The following RIT2 variants were observed in gnomAD, a reference collection of about 807,000 sequenced individuals.
The protein encoded by RIT2 is GTP-binding protein Rit2.
A neutral mutation model predicts 23.7 loss-of-function variants in RIT2; 24 were observed. The observed-to-expected ratio is 1.01, with a 90% CI of 0.73 to 1.43. The LOEUF is 1.43. Among genes scored for constraint, RIT2 ranks in the 40% most tolerant of loss-of-function variants. RIT2 has a pLI of 0.00. For missense variants in RIT2, 236 were observed against 266.9 expected, an observed-to-expected ratio of 0.88 and a Z score of 0.81; for synonymous variants, 107 against 91.1, an observed-to-expected ratio of 1.17 and a Z score of -0.99.
At chr18:42,918,595 G>A (rs1908973964) in intron 4 of RIT2, among the ~76,000 whole-genome samples, 2 of 151,970 alleles carry the variant, frequency 1.3e-5, no homozygotes, top group South Asian at 4.2e-4. Context: ...ATTTTTTTAA[G>A]TTTGAGTGGT....
intron 4 of RIT2, among the ~76,000 whole-genome samples, chr18:42,765,934 T>C (rs1913411180): frequency 6.6e-6 from 1 of 152,120 alleles, no homozygotes; most frequent in Admixed American, 6.6e-5. Flanking sequence ...CCATTTTTGC[T>C]TCTTCCTCAT....
chr18:43,021,807 C>T (rs945275709), intron 2 of RIT2, among the ~76,000 whole-genome samples: 1 of 152,068 alleles, frequency 6.6e-6, no homozygotes, highest in African/African-American at 2.4e-5. Context: ...AGTTAAACCT[C>T]TTTTCTTTAT....
chr18:42,796,753 T>C (rs1187534347), intron 4 of RIT2, among the ~76,000 whole-genome samples: 2 of 152,208 alleles, frequency 1.3e-5, no homozygotes, highest in Non-Finnish European at 2.9e-5. Context: ...TTTTACCACT[T>C]TCCTGTCCAG....
At chr18:42,866,833 C>A (rs1568016512) in intron 4 of RIT2, among the ~76,000 whole-genome samples, 1 of 152,084 alleles carries the variant, frequency 6.6e-6, no homozygotes, top group East Asian at 1.9e-4. Flanking sequence ...ATTTAAACAT[C>A]TTTAGACAGC....
chr18:43,105,005 T>C (rs1042281002), intron 1 of RIT2, among the ~76,000 whole-genome samples: 1 of 152,130 alleles, frequency 6.6e-6, no homozygotes, highest in Non-Finnish European at 1.5e-5. Flanking sequence ...AGCAGAGGCA[T>C]GCTCTGTTAA....
chr18:43,042,191 C>G (rs759624898), intron 1 of RIT2, among the ~76,000 whole-genome samples: 2 of 152,052 alleles, frequency 1.3e-5, no homozygotes, highest in Admixed American at 6.5e-5. Context: ...TTTTTGGGAC[C>G]ATGAAAAAAT....
At chr18:43,074,732 T>A (rs1237548526) in intron 1 of RIT2, among the ~76,000 whole-genome samples, 2 of 152,300 alleles carry the variant, frequency 1.3e-5, no homozygotes, top group East Asian at 3.9e-4. Flanking sequence ...AGGAATGAGA[T>A]CATGTCCTTT....
At chr18:43,046,144 GAATCATGCAA>G (rs1229330586) in intron 1 of RIT2, among the ~76,000 whole-genome samples, 1 of 151,970 alleles carries the variant, frequency 6.6e-6, no homozygotes, top group East Asian at 1.9e-4. Flanking sequence ...AAATGTAACA[GAATCATGCAA>G]AAATCTTGTA....
At chr18:42,869,325 G>A (rs1386706436) in intron 4 of RIT2, among the ~76,000 whole-genome samples, 1 of 152,220 alleles carries the variant, frequency 6.6e-6, no homozygotes, top group African/African-American at 2.4e-5. Flanking sequence ...TCTGATAGGA[G>A]GTGGAACTCA....
At chr18:42,950,807 A>T (rs898742322) in intron 3 of RIT2, among the ~76,000 whole-genome samples, 5 of 151,876 alleles carry the variant, frequency 3.3e-5, no homozygotes, top group African/African-American at 1.2e-4. Context: ...TGTGAAAAAA[A>T]TGCTCCACAT....
intron 2 of RIT2, among the ~76,000 whole-genome samples, chr18:42,984,015 A>G (rs1286802074): frequency 6.6e-6 from 1 of 152,118 alleles, no homozygotes; most frequent in Admixed American, 6.5e-5. Context: ...TTCTATATGT[A>G]TCATATAAAA....
chr18:42,966,243 C>T (rs930089087), intron 3 of RIT2, among the ~76,000 whole-genome samples: 1 of 151,996 alleles, frequency 6.6e-6, no homozygotes, highest in Non-Finnish European at 1.5e-5. Flanking sequence ...TTATAGGATG[C>T]AAAGTTCTTT....
chr18:43,040,320 A>G (rs1912098191), intron 1 of RIT2, among the ~76,000 whole-genome samples: 1 of 152,176 alleles, frequency 6.6e-6, no homozygotes, highest in Admixed American at 6.5e-5. Flanking sequence ...TAAGAACGCT[A>G]TTTCCTAGCT....
At chr18:43,086,804 G>A (rs1394592590) in intron 1 of RIT2, among the ~76,000 whole-genome samples, 1 of 152,132 alleles carries the variant, frequency 6.6e-6, no homozygotes, top group Non-Finnish European at 1.5e-5. Context: ...GAAGGAAGTG[G>A]GCAAATGCCA....
chr18:42,855,797 G>T (rs1226940264), intron 4 of RIT2, among the ~76,000 whole-genome samples: 2 of 152,148 alleles, frequency 1.3e-5, no homozygotes, highest in African/African-American at 2.4e-5. Context: ...TTGCCTCAGA[G>T]TTACTAATTA....
intron 3 of RIT2, among the ~76,000 whole-genome samples, chr18:42,953,719 C>A (rs1014979317): frequency 6.6e-6 from 1 of 152,138 alleles, no homozygotes; most frequent in Admixed American, 6.6e-5. Flanking sequence ...CAGAAAAGTT[C>A]TTTCAAATTT....
At chr18:42,985,566 A>G (rs1910690381) in intron 2 of RIT2, among the ~76,000 whole-genome samples, 1 of 152,198 alleles carries the variant, frequency 6.6e-6, no homozygotes, top group South Asian at 2.1e-4. Flanking sequence ...TAAACAGAAT[A>G]GAGAACCTAC....
At chr18:42,938,115 T>A (rs1253039078) in intron 3 of RIT2, among the ~76,000 whole-genome samples, 4 of 151,902 alleles carry the variant, frequency 2.6e-5, no homozygotes, top group African/African-American at 9.7e-5. Flanking sequence ...GAAAAGAGAG[T>A]GGAAGAGTAA....
chr18:42,798,560 A>T (rs983244597), intron 4 of RIT2, among the ~76,000 whole-genome samples: 13 of 152,270 alleles, frequency 8.5e-5, no homozygotes, highest in Non-Finnish European at 2.9e-5. Context: ...CATAACCAAT[A>T]GAAATTAAAT....
Sources: allele counts gnomAD v4.1 joint callset (sites outside exome capture counted in the v4.1 genomes callset), GRCh38; gene constraint gnomAD v4.1.1; transcripts MANE v1.5; gene names NCBI Gene and HGNC (gene_info 2026-07-23, HGNC 2026-07-21).